Variants in TRIM16 observed in about 807,000 individuals in gnomAD.
TRIM16 encodes tripartite motif-containing protein 16.
In TRIM16, 33 loss-of-function variants were observed where a neutral mutation model predicts 50.4. The observed-to-expected ratio is 0.65, with a 90% CI of 0.50 to 0.88. The LOEUF is 0.88. Among genes scored for constraint, TRIM16 ranks in the 40% least tolerant of loss-of-function variants. The pLI is 0.00. For synonymous variants in TRIM16, 229 were observed against 270.7 expected (o/e 0.85, Z 1.51); for missense variants, 581 against 686.8 (o/e 0.85, Z 1.72).
chr17:15,665,664 C>A (rs2151412342), intron 6 of TRIM16, among the ~76,000 whole-genome samples: 1 of 152,128 alleles, frequency 6.6e-6, no homozygotes, highest in South Asian at 2.1e-4. Context: ...TATTCCTCTT[C>A]CTCTGCCTGA....
intron 6 of TRIM16, among the ~76,000 whole-genome samples, chr17:15,652,601 C>T (rs1987780473): frequency 6.6e-6 from 1 of 150,802 alleles, no homozygotes; most frequent in Non-Finnish European, 1.5e-5. Flanking sequence ...GCTGGGATTA[C>T]AGGCACCCAC....
intron 6 of TRIM16, among the ~76,000 whole-genome samples, chr17:15,657,251 C>G (rs1450700457): frequency 6.6e-6 from 1 of 151,670 alleles, no homozygotes; most frequent in Non-Finnish European, 1.5e-5. Flanking sequence ...GTTTGTTTGT[C>G]TTTGAGACAG....
chr17:15,633,671 G>T lies in TRIM16; in HGVS notation c.850-997C>A, dbSNP rs1246955669. On this transcript the variant is annotated intron_variant, in intron 9 of 11. Transcript: ENST00000649191. Reference sequence around the variant, plus strand: ...TTCTCCTGCCTCAGCCTCCCAAGTGGCTGGGACTACAGGTGTGCACCACCA... The same window carrying T: ...TTCTCCTGCCTCAGCCTCCCAAGTGTCTGGGACTACAGGTGTGCACCACCA... Among the ~76,000 whole-genome samples the T allele has an allele frequency of 4.1e-5, 6 of 145,720 alleles. 1 individual carries two copies. The highest frequency in any genetic ancestry group is 1.5e-4 in the African/African-American group (6 of 39,140).
At chr17:15,668,090 T>C (rs1163952679) in intron 6 of TRIM16, among the ~76,000 whole-genome samples, 2 of 152,166 alleles carry the variant, frequency 1.3e-5, no homozygotes, top group Admixed American at 6.5e-5. Flanking sequence ...TCTCTGTATC[T>C]CACCCCGCAC....
intron 8 of TRIM16, among the ~76,000 whole-genome samples, chr17:15,638,243 A>C (rs1303465915): frequency 7.5e-6 from 1 of 132,858 alleles, no homozygotes; most frequent in Non-Finnish European, 1.6e-5. Flanking sequence ...AGAATTATCA[A>C]TAAAAAAATA....
rs1252845054 is a variant in TRIM16, at chr17:15,631,692, T to G, written c.1038A>C (p.Gln346His). The change falls in exon 11 of 12, where the codon CAA becomes CAC. Residue 346 changes from glutamine to histidine, a missense_variant. Gln to His is a conservative substitution (Grantham distance 24). Around this residue, in one of 3 missense-constraint regions of TRIM16, gnomAD observed 450 missense variants for 544.3 expected, o/e 0.83. Transcript: ENST00000649191. ...SKEEEYDIRT[Q>H]VSAVVQRKYW... The stretch of plus-strand genomic sequence containing the variant: ...ATTTGCGCTGAACAACGGCAGACAC[T>G]TGAGTTCTGATGTCATACTCCTCTA... 41 of 1,613,804 alleles carry G rather than the reference T, an allele frequency of 2.5e-5. No homozygotes were observed. The highest frequency in any genetic ancestry group is 3.2e-5 in the Non-Finnish European group (38 of 1,179,862).
At chr17:15,629,259 G>A in intron 11 of TRIM16, 61 bp from the exon 12 acceptor site, 2 of 1,060,616 alleles carry the variant, frequency 1.9e-6, no homozygotes, top group South Asian at 1.6e-5. Context: ...CAGACAGAAT[G>A]CTTTAAACCC....
intron 11 of TRIM16, among the ~76,000 whole-genome samples, chr17:15,631,101 A>G (rs1246821901): frequency 6.6e-6 from 1 of 152,096 alleles, no homozygotes; most frequent in African/African-American, 2.4e-5. Flanking sequence ...CAAGTCATAC[A>G]TAGAAATGAA....
At chr17:15,644,850 C>A (rs912544996) in intron 7 of TRIM16, among the ~76,000 whole-genome samples, 2 of 151,820 alleles carry the variant, frequency 1.3e-5, no homozygotes, top group African/African-American at 4.9e-5. Flanking sequence ...GAGTCTCACA[C>A]TGTCGTCCAG....
intron 6 of TRIM16, among the ~76,000 whole-genome samples, chr17:15,668,499 C>G (rs1019446484): frequency 1.3e-5 from 2 of 152,146 alleles, no homozygotes; most frequent in African/African-American, 4.8e-5. Flanking sequence ...TTGAAAATGG[C>G]CCGTGGGGTC....
chr17:15,647,109 G>T (rs1486373691), intron 7 of TRIM16, among the ~76,000 whole-genome samples: 1 of 151,756 alleles, frequency 6.6e-6, no homozygotes, highest in Non-Finnish European at 1.5e-5. Flanking sequence ...TGGGATTATA[G>T]GCGCCTGCTA....
rs538025399 is a variant in TRIM16, at chr17:15,676,564, T to C, written c.-338+612A>G. ...CATTCTCCTGCCTCAACCTCCCAAG[T>C]AGCTGGGACTACAGGTGCCCGCCAC... On this transcript the variant is annotated intron_variant, in intron 6 of 11. Coordinates refer to ENST00000649191, the MANE Select transcript of TRIM16 (RefSeq NM_001348119.1). Among the ~76,000 whole-genome samples the C allele has an allele frequency of 4.0e-5, 6 of 151,642 alleles. No individual in the cohort carries two copies. In the South Asian group the frequency reaches 1.3e-3, roughly 32 times the overall value.
chr17:15,678,936 G>A (rs970127326), intron 4 of TRIM16, among the ~76,000 whole-genome samples: 2 of 146,726 alleles, frequency 1.4e-5, no homozygotes, highest in Non-Finnish European at 1.5e-5. Flanking sequence ...CAGTGGCCAC[G>A]ATGCTCTCGG....
At position 15,651,093 on chromosome 17, in the gene TRIM16, C is replaced by T; in HGVS notation, c.517G>A (p.Glu173Lys). Residue 173 changes from glutamate (E) to lysine (K), a missense_variant and splice_region_variant, in exon 7 of 12, where the codon GAG (glutamate) becomes AAG (lysine). Transcript: ENST00000649191. ...ATGAATGGTCCCCAAGCACTCACCTCCTTGTCCCTGCGGGCTGCATCCAGG... is the reference window on the plus strand; with the variant it reads ...ATGAATGGTCCCCAAGCACTCACCTTCTTGTCCCTGCGGGCTGCATCCAGG... ...VSLDAARRDK[E>K]AELQCTQLDL... 3 of 1,605,704 alleles carry T rather than the reference C, an allele frequency of 1.9e-6. No individual in the cohort carries two copies. The highest frequency in any genetic ancestry group is 2.6e-6 in the Non-Finnish European group (3 of 1,175,280).
chr17:15,658,820 T>C, intron 6 of TRIM16: 1 of 985,456 alleles, frequency 1.0e-6, no homozygotes, highest in South Asian at 4.7e-5. Flanking sequence ...GCAGGCCCAA[T>C]GAACTTTCTG....
At chr17:15,634,432 C>G (rs1986615425) in intron 9 of TRIM16, among the ~76,000 whole-genome samples, 1 of 148,352 alleles carries the variant, frequency 6.7e-6, no homozygotes, top group Non-Finnish European at 1.5e-5. Context: ...GAGTTCAAGA[C>G]CAGCCTGACC....
chr17:15,641,351 G>A (rs1270996357), intron 8 of TRIM16, among the ~76,000 whole-genome samples: 1 of 148,852 alleles, frequency 6.7e-6, no homozygotes, highest in African/African-American at 2.5e-5. Context: ...TCATTCTTAA[G>A]TCAAGGGAGC....
At chr17:15,650,835 G>A (rs1357486530) in intron 7 of TRIM16, among the ~76,000 whole-genome samples, 1 of 152,132 alleles carries the variant, frequency 6.6e-6, no homozygotes, top group Non-Finnish European at 1.5e-5. Context: ...CAAGAAGGAG[G>A]AGAGACAGAC....
chr17:15,672,714 T>C (rs1315425068), intron 6 of TRIM16, among the ~76,000 whole-genome samples: 3 of 152,042 alleles, frequency 2.0e-5, no homozygotes, highest in Admixed American at 6.6e-5. Flanking sequence ...GCCCAGGCAA[T>C]AGAGCAAAAC....
Sources: gnomAD v4.1 joint callset for allele counts (sites outside exome capture counted in the v4.1 genomes callset) on GRCh38, gnomAD v4.1.1 for gene constraint, gnomAD v4.1.1 regional missense constraint, MANE v1.5 for transcripts, NCBI Gene and HGNC (gene_info 2026-07-23, HGNC 2026-07-21) for gene names.